The following EDN1 variants were observed in gnomAD, a reference collection of about 807,000 sequenced individuals.
EDN1 encodes endothelin-1.
In EDN1, 11 loss-of-function variants were observed where a neutral mutation model predicts 21.7. That is an observed-to-expected ratio of 0.51 (90% CI 0.32 to 0.84). The LOEUF (loss-of-function observed/expected upper bound fraction) is 0.84, where lower values mean the gene tolerates loss of function less well. Ranked by LOEUF, EDN1 falls within the 40% of genes least tolerant of loss-of-function variation. The probability of loss-of-function intolerance (pLI) is 0.03; values close to 1 mark genes in which losing one functional copy is unlikely to be tolerated. For synonymous variants in EDN1, 85 were observed against 90.6 expected, an observed-to-expected ratio of 0.94 and a Z score of 0.35; for missense variants, 244 against 262.3, an observed-to-expected ratio of 0.93 and a Z score of 0.48.
At chr6:12,232,487 T>C in the EDN1 span, among the ~76,000 whole-genome samples, 1 of 152,032 alleles carries the variant, frequency 6.6e-6, no homozygotes, top group Non-Finnish European at 1.5e-5. Flanking sequence ...AGAGGACAAA[T>C]GCAGCGCTCC....
chr6:12,273,663 A>G, the EDN1 span, among the ~76,000 whole-genome samples: 2 of 143,694 alleles, frequency 1.4e-5, no homozygotes, highest in Non-Finnish European at 3.0e-5. Flanking sequence ...TAGTCCTAAC[A>G]GTAGTTCAGG....
chr6:12,241,250 C>T, the EDN1 span, among the ~76,000 whole-genome samples: 1 of 151,386 alleles, frequency 6.6e-6, no homozygotes, highest in African/African-American at 2.4e-5. Flanking sequence ...ACCGCAACCT[C>T]TGCCTCCTGG....
the EDN1 span, among the ~76,000 whole-genome samples, chr6:12,235,749 T>TA: frequency 1.3e-5 from 2 of 152,230 alleles, no homozygotes; most frequent in African/African-American, 4.8e-5. Context: ...GCAGTGGCCA[T>TA]AGGTGACTAT....
chr6:12,286,847 C>T (rs552480106), upstream of EDN1, among the ~76,000 whole-genome samples: 1 of 152,264 alleles, frequency 6.6e-6, no homozygotes, highest in Non-Finnish European at 1.5e-5. Context: ...GGAGTGGTGG[C>T]TCACGCCTGT....
the EDN1 span, among the ~76,000 whole-genome samples, chr6:12,280,954 GA>G: frequency 6.6e-6 from 1 of 152,134 alleles, no homozygotes; most frequent in Non-Finnish European, 1.5e-5. Flanking sequence ...ACAATGATAG[GA>G]AATTAAAGTA....
At chr6:12,293,578 A>C (rs1256801930) in intron 2 of EDN1, among the ~76,000 whole-genome samples, 1 of 152,232 alleles carries the variant, frequency 6.6e-6, no homozygotes, top group African/African-American at 2.4e-5. Context: ...TGTACCCACA[A>C]ATAGTTAACT....
chr6:12,256,639 C>T, the EDN1 span, among the ~76,000 whole-genome samples: 1 of 152,160 alleles, frequency 6.6e-6, no homozygotes, highest in Non-Finnish European at 1.5e-5. Context: ...CTATGAGCTC[C>T]CGCATGCACC....
chr6:12,258,686 A>C, the EDN1 span, among the ~76,000 whole-genome samples: 1 of 152,180 alleles, frequency 6.6e-6, no homozygotes, highest in Non-Finnish European at 1.5e-5. Context: ...CATCATCACC[A>C]TTGACCAAAT....
chr6:12,234,935 T>C, the EDN1 span, among the ~76,000 whole-genome samples: 1 of 152,212 alleles, frequency 6.6e-6, no homozygotes, highest in East Asian at 1.9e-4. Flanking sequence ...TTGACAAACA[T>C]TCACTTGGAC....
At chr6:12,269,757 C>A in the EDN1 span, among the ~76,000 whole-genome samples, 13 of 151,874 alleles carry the variant, frequency 8.6e-5, no homozygotes, top group African/African-American at 2.9e-4. Context: ...GGGAGATTGG[C>A]CTGTAGTTTC....
At chr6:12,245,749 G>A in the EDN1 span, among the ~76,000 whole-genome samples, 2 of 152,204 alleles carry the variant, frequency 1.3e-5, no homozygotes, top group African/African-American at 2.4e-5. Context: ...CAAGGAGCCT[G>A]CCAGCCACTG....
the EDN1 span, among the ~76,000 whole-genome samples, chr6:12,276,248 T>C: frequency 6.6e-5 from 10 of 150,736 alleles, no homozygotes; most frequent in African/African-American, 2.4e-4. Flanking sequence ...TTCAGGGAAA[T>C]TTCTAGGAAG....
At chr6:12,294,808 T>C (rs1245827928) in intron 4 of EDN1, among the ~76,000 whole-genome samples, 1 of 151,808 alleles carries the variant, frequency 6.6e-6, no homozygotes, top group Non-Finnish European at 1.5e-5. Context: ...CAAAGTGTCA[T>C]GGATAATCAA....
At chr6:12,240,907 C>T in the EDN1 span, among the ~76,000 whole-genome samples, 2 of 152,134 alleles carry the variant, frequency 1.3e-5, no homozygotes, top group African/African-American at 4.8e-5. Context: ...GATGTGATGG[C>T]TGGTGTTGAT....
chr6:12,248,829 G>T, the EDN1 span, among the ~76,000 whole-genome samples: 1 of 152,028 alleles, frequency 6.6e-6, no homozygotes, highest in African/African-American at 2.4e-5. Flanking sequence ...TTGCTAGTTG[G>T]GTATATTAAG....
the EDN1 span, among the ~76,000 whole-genome samples, chr6:12,270,287 C>G: frequency 6.6e-6 from 1 of 151,772 alleles, no homozygotes; most frequent in Non-Finnish European, 1.5e-5. Context: ...TATTGTTGCT[C>G]TGATCCTTAT....
At chr6:12,247,536 C>CTTTTTTTTTTTTTTTTT in the EDN1 span, among the ~76,000 whole-genome samples, 2 of 97,752 alleles carry the variant, frequency 2.0e-5, no homozygotes, top group Non-Finnish European at 2.0e-5. Context: ...TTCTTTCTTT[C>CTTTTTTTTTTTTTTTTT]TTTTTTTTTT....
At chr6:12,237,325 A>G in the EDN1 span, among the ~76,000 whole-genome samples, 1 of 152,174 alleles carries the variant, frequency 6.6e-6, no homozygotes, top group Non-Finnish European at 1.5e-5. Flanking sequence ...AACATTATCC[A>G]CGCTTATCTC....
rs1288758121 is a variant in EDN1 at position 12,295,527 on chromosome 6, C to T, written c.534-435C>T. 3.3e-5 allele frequency among the ~76,000 whole-genome samples: 5 copies of T among 151,944 alleles called. 1 individual carries two copies. Among genetic ancestry groups the T allele is most frequent in the Admixed American group, 2.6e-4 (4 of 15,252 alleles). On this transcript the variant is annotated intron_variant, in intron 4 of 4. Transcript: ENST00000379375. ...AAAAATAATTGCCATAAAGTATTTG[C>T]TCTGGGCCTACTGTATGCTTCTTTT...
Sources: gnomAD v4.1 joint callset for allele counts (sites outside exome capture counted in the v4.1 genomes callset) on GRCh38, gnomAD v4.1.1 for gene constraint, MANE v1.5 for transcripts, NCBI Gene and HGNC (gene_info 2026-07-23, HGNC 2026-07-21) for gene names.